The following ZNF280D variants were observed in gnomAD, a reference collection of about 807,000 sequenced individuals.
ZNF280D encodes suppressor of hairy wing homolog 4.
A neutral mutation model predicts 94.7 loss-of-function variants in ZNF280D; 39 were observed. The ratio of observed to expected loss-of-function variants is 0.41; its 90% CI spans 0.32 to 0.54. ZNF280D has a LOEUF of 0.54. Ranked by LOEUF, ZNF280D falls within the 20% of genes least tolerant of loss-of-function variation. ZNF280D has a pLI of 0.22. For missense variants in ZNF280D, 1,090 were observed against 1,149.3 expected, an observed-to-expected ratio of 0.95 and a Z score of 0.75; for synonymous variants, 398 against 377.6, an observed-to-expected ratio of 1.05 and a Z score of -0.63.
At chr15:56,656,241 A>G (rs1385604466) in intron 17 of ZNF280D, among the ~76,000 whole-genome samples, 2 of 152,212 alleles carry the variant, frequency 1.3e-5, no homozygotes, top group African/African-American at 4.8e-5. Context: ...GATACGTAAT[A>G]AATAGTTACG....
At chr15:56,700,211 G>A (rs2056980823) in intron 6 of ZNF280D, 2 of 957,434 alleles carry the variant, frequency 2.1e-6, no homozygotes, top group Non-Finnish European at 2.5e-6. Context: ...GTATGTATGT[G>A]TGCATATACA....
Position 56,666,667 on chromosome 15 carries a change from A to G in ZNF280D, c.1853+12T>C. ...GTTTAAATTATATTGTATATCAGGA[A>G]TAAAAGATTACCTTAAATTCCTCAA... On this transcript the variant is annotated intron_variant, in intron 15 of 21. Transcript: ENST00000267807. 6.3e-7 allele frequency: 1 copy of G among 1,577,434 alleles called. No individual in the cohort carries two copies.
chr15:56,688,991 T>G (rs2056246171), intron 9 of ZNF280D, 50 bp downstream of exon 9: 3 of 1,262,010 alleles, frequency 2.4e-6, no homozygotes, highest in Non-Finnish European at 3.4e-6. Flanking sequence ...TCATCAGTAT[T>G]TTTAGAAATG....
intron 20 of ZNF280D, among the ~76,000 whole-genome samples, chr15:56,638,148 G>A (rs1192799693): frequency 6.6e-6 from 1 of 152,134 alleles, no homozygotes; most frequent in East Asian, 1.9e-4. Flanking sequence ...TTCGTTTCCA[G>A]TAATAAAATC....
intron 1 of ZNF280D, 58 bp from the exon 2 acceptor site, chr15:56,707,364 AT>A: frequency 7.1e-7 from 1 of 1,407,612 alleles, no homozygotes. Flanking sequence ...ATGTATACAT[AT>A]TTAATCTTTT....
chr15:56,705,813 A>G (rs2057369254), intron 3 of ZNF280D, among the ~76,000 whole-genome samples: 1 of 152,072 alleles, frequency 6.6e-6, no homozygotes, highest in Non-Finnish European at 1.5e-5. Context: ...ATATAGGAAT[A>G]CATTTCCCCC....
At chr15:56,714,969 T>C (rs962163559) in intron 1 of ZNF280D, among the ~76,000 whole-genome samples, 8 of 152,104 alleles carry the variant, frequency 5.3e-5, no homozygotes, top group South Asian at 2.1e-4. Flanking sequence ...GATGAATACA[T>C]AAATATCTTA....
At chr15:56,688,485 G>A (rs1465391084) in intron 9 of ZNF280D, among the ~76,000 whole-genome samples, 5 of 101,550 alleles carry the variant, frequency 4.9e-5, no homozygotes, top group East Asian at 2.9e-4. Flanking sequence ...GCGAGACTCC[G>A]TCTCAAAAAA....
intron 6 of ZNF280D, 95 bp from the exon 7 acceptor site, chr15:56,693,310 A>G (rs532702983): frequency 6.9e-5 from 23 of 331,162 alleles, no homozygotes; most frequent in Non-Finnish European, 1.1e-4. Context: ...ATAATTATAT[A>G]AGAATTTTAT....
intron 3 of ZNF280D, among the ~76,000 whole-genome samples, chr15:56,704,521 T>C (rs1249065145): frequency 6.6e-6 from 1 of 152,154 alleles, no homozygotes; most frequent in African/African-American, 2.4e-5. Flanking sequence ...AATTTGGAAG[T>C]CAAATTCAGT....
intron 13 of ZNF280D, among the ~76,000 whole-genome samples, chr15:56,671,764 G>A (rs1232397556): frequency 1.3e-5 from 2 of 152,064 alleles, no homozygotes; most frequent in African/African-American, 4.8e-5. Flanking sequence ...ATTACTTTGG[G>A]CAGTATGGCC....
chr15:56,640,442 A>T (rs2052572756), intron 20 of ZNF280D, among the ~76,000 whole-genome samples: 1 of 152,130 alleles, frequency 6.6e-6, no homozygotes, highest in South Asian at 2.1e-4. Flanking sequence ...GTATTTAAAA[A>T]ATTTTTTTTC....
chr15:56,716,547 A>G (rs535628767), intron 1 of ZNF280D, among the ~76,000 whole-genome samples: 16 of 151,972 alleles, frequency 1.1e-4, no homozygotes, highest in African/African-American at 3.9e-4. Context: ...GGGAAGAGAT[A>G]AGACATAGAG....
At chr15:56,723,945 A>G (rs1235627506) in intron 1 of ZNF280D, among the ~76,000 whole-genome samples, 1 of 152,164 alleles carries the variant, frequency 6.6e-6, no homozygotes, top group African/African-American at 2.4e-5. Flanking sequence ...CCTTTACATT[A>G]GCCTGTGGTT....
intron 20 of ZNF280D, among the ~76,000 whole-genome samples, chr15:56,636,724 T>C (rs1364471942): frequency 1.3e-5 from 2 of 152,138 alleles, no homozygotes; most frequent in African/African-American, 4.8e-5. Flanking sequence ...CCTCAGGTGA[T>C]CCACCCACCT....
chr15:56,658,838 G>A (rs938957842), intron 16 of ZNF280D, among the ~76,000 whole-genome samples: 2 of 152,038 alleles, frequency 1.3e-5, no homozygotes, highest in Admixed American at 6.6e-5. Flanking sequence ...TTAATAACAC[G>A]TGTGCTACAA....
At chr15:56,673,631 CAAAG>C (rs2055009995) in intron 13 of ZNF280D, among the ~76,000 whole-genome samples, 1 of 151,950 alleles carries the variant, frequency 6.6e-6, no homozygotes, top group African/African-American at 2.4e-5. Flanking sequence ...AGTGCCTTTC[CAAAG>C]TCTTGGCTGT....
intron 6 of ZNF280D, among the ~76,000 whole-genome samples, chr15:56,696,177 C>A (rs74015863): frequency 0.012 from 1,807 of 152,166 alleles, 35 homozygotes; most frequent in African/African-American, 0.042. Context: ...TTTTATCATG[C>A]CCTATGATTT....
At chr15:56,654,541 T>A in intron 17 of ZNF280D, 38 bp from the exon 18 acceptor site, 1 of 1,528,694 alleles carries the variant, frequency 6.5e-7, no homozygotes, top group South Asian at 1.3e-5. Flanking sequence ...TTTTATCTTT[T>A]ATGAAAATCC....
Sources: allele counts gnomAD v4.1 joint callset (sites outside exome capture counted in the v4.1 genomes callset), GRCh38; gene constraint gnomAD v4.1.1; transcripts MANE v1.5; gene names NCBI Gene and HGNC (gene_info 2026-07-23, HGNC 2026-07-21).